The following TNFAIP6 variants were observed in gnomAD, a reference collection of about 807,000 sequenced individuals.
TNFAIP6 encodes the protein tumor necrosis factor-inducible gene 6 protein.
A neutral mutation model predicts 33.7 loss-of-function variants in TNFAIP6; 36 were observed. The observed-to-expected ratio is 1.07, with a 90% CI of 0.82 to 1.41. TNFAIP6 has a LOEUF of 1.41. Ranked by LOEUF, TNFAIP6 falls within the 40% of genes most tolerant of loss-of-function variation. The pLI is 0.00. For missense variants in TNFAIP6, 273 were observed against 331.9 expected (o/e 0.82, Z 1.38); for synonymous variants, 113 against 112.8 (o/e 1.00, Z -0.01).
At chr2:151,379,227 T>G in intron 5 of TNFAIP6, 137 bp from the exon 6 acceptor site, 28 of 790,538 alleles carry the variant, frequency 3.5e-5, no homozygotes, top group Non-Finnish European at 5.0e-5. Flanking sequence ...CTCTTCAGCT[T>G]GAGAATCGAC....
chr2:151,379,031 C>T (rs1049599356), intron 5 of TNFAIP6, among the ~76,000 whole-genome samples: 3 of 151,924 alleles, frequency 2.0e-5, no homozygotes, highest in Non-Finnish European at 2.9e-5. Flanking sequence ...GCCCGGGAGG[C>T]GGAGGTTGCG....
rs1206345510 is a variant in TNFAIP6, at chr2:151,370,069, T to C, written c.444T>C (p.Ser148=). 6.2e-7 allele frequency: 1 copy of C among 1,613,984 alleles called. No individual in the cohort carries two copies. Among genetic ancestry groups the C allele is most frequent in the African/African-American group, 1.3e-5 (1 of 74,918 alleles). Residue 148 remains serine (S), a synonymous_variant, in exon 4 of 6, where the codon TCT becomes TCC. Coordinates refer to ENST00000243347, the MANE Select transcript of TNFAIP6 (RefSeq NM_007115.4). ...VFTDPKQIFK[S]PGFPNEYEDN... ...CAGATCCAAAGCAAATTTTTAAATC[T>C]CCAGGCTTCCCAAATGAGTACGAAG...
chr2:151,378,082 A>G (rs1021138434), intron 5 of TNFAIP6, among the ~76,000 whole-genome samples: 1 of 152,154 alleles, frequency 6.6e-6, no homozygotes, highest in Non-Finnish European at 1.5e-5. Context: ...TTTTGTTTAT[A>G]TATATTTGCA....
chr2:151,376,105 G>C (rs1294235706), intron 5 of TNFAIP6, among the ~76,000 whole-genome samples: 2 of 152,092 alleles, frequency 1.3e-5, no homozygotes, highest in South Asian at 2.1e-4. Context: ...AATTAGCCCG[G>C]TGTGGTGGCA....
chr2:151,366,237 T>G lies in TNFAIP6; in HGVS notation c.394+20T>G. ...CACACGGTGTGTTAAAAATAATAAT[T>G]TTATGTTTTGCAAAAACAGTTCCAT... On this transcript the variant is annotated intron_variant, in intron 3 of 5. Transcript: ENST00000243347. The G allele has an allele frequency of 6.2e-7, 1 of 1,609,498 alleles. No individual in the cohort carries two copies. Among genetic ancestry groups the G allele is most frequent in the Non-Finnish European group, 8.5e-7 (1 of 1,176,440 alleles).
rs763517264 is a variant in TNFAIP6 at position 151,379,574 on chromosome 2, T to C, written c.*41T>C. The C allele has an allele frequency of 7.4e-7, 1 of 1,360,450 alleles. No individual in the cohort carries two copies. Among genetic ancestry groups the C allele is most frequent in the Admixed American group, 2.6e-5 (1 of 38,632 alleles). The allele number at this position is 1,360,450 out of a possible 1,614,324, so 84.3% of individuals were successfully genotyped here. A position where few individuals can be genotyped will look rare whatever the true frequency, so the allele number is the denominator to read the frequency against. On this transcript the variant is annotated 3_prime_UTR_variant, in exon 6 of 6. Transcript: ENST00000243347. ...TGATCAAAACACACAGTGTTTATGT[T>C]GGAATCTTTTGGAACTCCTTTGATC...
At position 151,373,553 on chromosome 2, in the gene TNFAIP6, T is replaced by G; in HGVS notation, c.628T>G (p.Cys210Gly). The change falls in exon 5 of 6, where the codon TGT becomes GGT. Residue 210 changes from cysteine to glycine, a missense_variant. Cys to Gly is a radical substitution (Grantham distance 159). Transcript: ENST00000243347. ...DDVHGFVGRYCGDELPDDIIS... is the reference protein window; with the variant it reads ...DDVHGFVGRYGGDELPDDIIS... ...TTTCTAAAAATTCCTTTTCAGATAC[T>G]GTGGAGATGAGCTTCCAGATGACAT... 1 of 1,547,274 alleles carries G rather than the reference T, an allele frequency of 6.5e-7. No homozygotes were observed. Among genetic ancestry groups the G allele is most frequent in the Non-Finnish European group, 8.8e-7 (1 of 1,141,508 alleles).
chr2:151,374,900 C>T (rs1045826016), intron 5 of TNFAIP6, among the ~76,000 whole-genome samples: 2 of 151,948 alleles, frequency 1.3e-5, no homozygotes, highest in Non-Finnish European at 2.9e-5. Context: ...CCAAGGCAGG[C>T]CGATCACCTG....
chr2:151,359,728 G>A (rs1684595158), intron 1 of TNFAIP6, among the ~76,000 whole-genome samples: 1 of 152,144 alleles, frequency 6.6e-6, no homozygotes, highest in African/African-American at 2.4e-5. Context: ...ACAAATTTGT[G>A]TTGGGCCACA....
chr2:151,359,143 C>G (rs1485691875), intron 1 of TNFAIP6, among the ~76,000 whole-genome samples: 1 of 152,058 alleles, frequency 6.6e-6, no homozygotes, highest in African/African-American at 2.4e-5. Context: ...ATCTGAGGGT[C>G]AGGATAATTG....
At chr2:151,360,936 G>A (rs190579207) in intron 1 of TNFAIP6, among the ~76,000 whole-genome samples, 5 of 152,254 alleles carry the variant, frequency 3.3e-5, no homozygotes, top group East Asian at 1.9e-4. Context: ...CCCCTGTGAT[G>A]TGAGTTTACC....
At chr2:151,358,060 A>G (rs1449842711) in intron 1 of TNFAIP6, among the ~76,000 whole-genome samples, 2 of 152,218 alleles carry the variant, frequency 1.3e-5, no homozygotes, top group African/African-American at 4.8e-5. Flanking sequence ...TAGTACAGTG[A>G]GGAGTATTTC....
intron 5 of TNFAIP6, among the ~76,000 whole-genome samples, chr2:151,378,506 G>C (rs952484804): frequency 8.0e-6 from 1 of 124,572 alleles, no homozygotes; most frequent in Non-Finnish European, 1.7e-5. Context: ...TTTTTTTTTT[G>C]AGACGGAGTT....
intron 3 of TNFAIP6, among the ~76,000 whole-genome samples, chr2:151,368,677 C>T (rs1684758184): frequency 2.6e-5 from 4 of 151,766 alleles, no homozygotes; most frequent in African/African-American, 9.7e-5. Flanking sequence ...TCAGTAAAGG[C>T]AGTATACAGA....
chr2:151,368,638 A>C (rs1424070595), intron 3 of TNFAIP6, among the ~76,000 whole-genome samples: 1 of 151,992 alleles, frequency 6.6e-6, no homozygotes, highest in Non-Finnish European at 1.5e-5. Context: ...CAAATCTTAA[A>C]ATATTAGGAT....
At chr2:151,361,561 T>C (rs1318422470) in intron 1 of TNFAIP6, among the ~76,000 whole-genome samples, 2 of 152,168 alleles carry the variant, frequency 1.3e-5, no homozygotes, top group Admixed American at 6.5e-5. Flanking sequence ...TTAACAACAA[T>C]CTCTATTATA....
chr2:151,362,480 C>CT (rs34640251), intron 1 of TNFAIP6, among the ~76,000 whole-genome samples: 1,158 of 56,862 alleles, frequency 0.02, 438 homozygotes, highest in African/African-American at 0.033. Flanking sequence ...TTACTAAATT[C>CT]TTTTTTTTTT....
Position 151,370,184 on chromosome 2 carries a change from G to C in TNFAIP6, c.559G>C (p.Gly187Arg). 6.2e-7 allele frequency: 1 copy of C among 1,614,102 alleles called. No homozygotes were observed. The highest frequency in any genetic ancestry group is 8.5e-7 in the Non-Finnish European group (1 of 1,180,024). The part of the protein sequence containing the change: ...FLDFDLEDDP[G>R]CLADYVEIYD... Reference sequence around the variant, plus strand: ...AGATTTTGACCTTGAAGATGACCCAGGTTGCTTGGCTGATTATGTTGAAAT... The same window carrying C: ...AGATTTTGACCTTGAAGATGACCCACGTTGCTTGGCTGATTATGTTGAAAT... Residue 187 changes from glycine (G) to arginine (R), a missense_variant, in exon 4 of 6, where the codon GGT (glycine) becomes CGT (arginine). By Grantham distance (125) the Gly-to-Arg change is moderately radical (BLOSUM62 -2). Coordinates refer to ENST00000243347, the MANE Select transcript of TNFAIP6 (RefSeq NM_007115.4).
At chr2:151,359,670 G>T (rs1354253678) in intron 1 of TNFAIP6, among the ~76,000 whole-genome samples, 1 of 152,174 alleles carries the variant, frequency 6.6e-6, no homozygotes, top group Non-Finnish European at 1.5e-5. Context: ...TTATAGGCGT[G>T]AGCCACCGCA....
Sources: gnomAD v4.1 joint callset for allele counts (sites outside exome capture counted in the v4.1 genomes callset) on GRCh38, gnomAD v4.1.1 for gene constraint, MANE v1.5 for transcripts, NCBI Gene and HGNC (gene_info 2026-07-23, HGNC 2026-07-21) for gene names.